Variants in TMEM248 observed in about 807,000 individuals in gnomAD.
The protein encoded by TMEM248 is transmembrane protein 248, also known as UPF0458 protein C7orf42.
Under a neutral mutation model 30.3 loss-of-function variants are expected in TMEM248, and 9 were observed. The observed-to-expected ratio is 0.30, with a 90% confidence interval of 0.18 to 0.52. The LOEUF is 0.52. Among genes scored for constraint, TMEM248 ranks in the 20% least tolerant of loss-of-function variants. The pLI is 0.97. For missense variants in TMEM248, 338 were observed against 403.3 expected (o/e 0.84, Z 1.39); for synonymous variants, 184 against 154.4 (o/e 1.19, Z -1.42).
chr7:66,928,007 G>C (rs1791568568), intron 1 of TMEM248, among the ~76,000 whole-genome samples: 1 of 152,110 alleles, frequency 6.6e-6, no homozygotes, highest in Admixed American at 6.6e-5. Context: ...CTGAGGTCAG[G>C]AATTCAAGAC....
At chr7:66,924,443 C>T (rs189042799) in intron 1 of TMEM248, among the ~76,000 whole-genome samples, 126 of 152,260 alleles carry the variant, frequency 8.3e-4, no homozygotes, top group African/African-American at 2.9e-3. Context: ...CTTGCTCTGT[C>T]GTCCAGGCTA....
At chr7:66,934,741 A>G (rs571717756) in intron 1 of TMEM248, among the ~76,000 whole-genome samples, 71 of 152,282 alleles carry the variant, frequency 4.7e-4, no homozygotes, top group African/African-American at 1.7e-3. Flanking sequence ...AGTGGGTCCT[A>G]TTCATTTTTA....
At chr7:66,955,460 C>G (rs1430352297) in intron 6 of TMEM248, 42 bp from the exon 7 acceptor site, 6 of 1,613,756 alleles carry the variant, frequency 3.7e-6, no homozygotes, top group Non-Finnish European at 5.1e-6. Flanking sequence ...GTTACCTAGG[C>G]TTCCCTTTTT....
At chr7:66,940,154 A>G (rs1265855114) in intron 1 of TMEM248, among the ~76,000 whole-genome samples, 1 of 152,080 alleles carries the variant, frequency 6.6e-6, no homozygotes, top group African/African-American at 2.4e-5. Flanking sequence ...GGGTTTTGCC[A>G]TGTTGGCCAG....
At position 66,958,512 on chromosome 7, in the gene TMEM248, A is replaced by T. The variant is rs1254282960; in HGVS notation, c.*2990A>T. ...CAGATTAATTTTCCGTGTTTGAAGT[A>T]TGTGCATATGTGCTTTACAGAATAA... On this transcript the variant is annotated 3_prime_UTR_variant, in exon 7 of 7. Transcript: ENST00000341567. 2 of 152,622 alleles carry T rather than the reference A, an allele frequency of 1.3e-5. No individual in the cohort carries two copies. The highest frequency in any genetic ancestry group is 2.9e-5 in the Non-Finnish European group (2 of 68,044). The allele number at this position is 152,622 out of a possible 1,614,324, so 9.5% of individuals were successfully genotyped here. A position where few individuals can be genotyped will look rare whatever the true frequency, so the allele number is the denominator to read the frequency against.
At chr7:66,939,223 C>A (rs962615078) in intron 1 of TMEM248, among the ~76,000 whole-genome samples, 1 of 152,198 alleles carries the variant, frequency 6.6e-6, no homozygotes, top group Non-Finnish European at 1.5e-5. Flanking sequence ...CTGACAATAT[C>A]AGGTTGAAGA....
intron 1 of TMEM248, among the ~76,000 whole-genome samples, chr7:66,940,270 A>G (rs572904660): frequency 6.6e-6 from 1 of 152,338 alleles, no homozygotes; most frequent in South Asian, 2.1e-4. Flanking sequence ...GTGCGTTTTA[A>G]GAAGAGCAAA....
At chr7:66,932,930 G>A (rs1417918712) in intron 1 of TMEM248, among the ~76,000 whole-genome samples, 1 of 151,886 alleles carries the variant, frequency 6.6e-6, no homozygotes, top group Non-Finnish European at 1.5e-5. Flanking sequence ...GTAGTGGCAC[G>A]ATCTTAGCTC....
intron 4 of TMEM248, among the ~76,000 whole-genome samples, chr7:66,949,304 T>C (rs1300131658): frequency 1.3e-5 from 2 of 152,030 alleles, no homozygotes; most frequent in African/African-American, 4.8e-5. Context: ...CTGGCCAACA[T>C]AGTGAAACCC....
At chr7:66,945,283 C>G (rs1427669352) in intron 3 of TMEM248, 22 bp downstream of exon 3, 1 of 1,605,950 alleles carries the variant, frequency 6.2e-7, no homozygotes, top group South Asian at 1.1e-5. Context: ...CCACTCTCCA[C>G]TCAGGCTCCT....
chr7:66,954,595 C>T (rs762309273), intron 6 of TMEM248, among the ~76,000 whole-genome samples: 8 of 152,054 alleles, frequency 5.3e-5, no homozygotes, highest in Non-Finnish European at 1.2e-4. Context: ...CAGGGTTTCG[C>T]CACATTGCCT....
intron 1 of TMEM248, among the ~76,000 whole-genome samples, chr7:66,929,768 T>C (rs1430993544): frequency 6.6e-6 from 1 of 152,006 alleles, no homozygotes. Context: ...AGGGAGGCAG[T>C]GTCAGTGGGG....
At chr7:66,950,671 TGA>T (rs1792239192) in intron 4 of TMEM248, among the ~76,000 whole-genome samples, 1 of 152,206 alleles carries the variant, frequency 6.6e-6, no homozygotes, top group Non-Finnish European at 1.5e-5. Flanking sequence ...GCATCACATG[TGA>T]GAGGACTGTA....
chr7:66,948,815 C>G, intron 4 of TMEM248, 121 bp downstream of exon 4: 1 of 1,083,718 alleles, frequency 9.2e-7, no homozygotes, highest in Non-Finnish European at 1.3e-6. Flanking sequence ...ATAGAATTAT[C>G]TCTACTCGGA....
At chr7:66,943,830 C>T (rs1326007206) in intron 2 of TMEM248, among the ~76,000 whole-genome samples, 1 of 150,818 alleles carries the variant, frequency 6.6e-6, no homozygotes, top group African/African-American at 2.4e-5. Context: ...GTCACTCTGA[C>T]ACCCAGGCTG....
rs1368879947 is a variant in TMEM248 at position 66,956,778 on chromosome 7, A to G, written c.*1256A>G. ...AGCCTCCAACTCCTGGGCTCAAGCA[A>G]TCCTCCCACTTTAGCCTCCTGAGTA... On this transcript the variant is annotated 3_prime_UTR_variant, in exon 7 of 7. Transcript: ENST00000341567. The G allele has an allele frequency of 1.3e-5, 2 of 152,096 alleles. No homozygotes were observed. Among genetic ancestry groups the G allele is most frequent in the East Asian group, 1.9e-4 (1 of 5,184 alleles). 9.4% of individuals were successfully genotyped at this position (152,096 alleles called of 1,614,324 possible). A position where few individuals can be genotyped will look rare whatever the true frequency, so the allele number is the denominator to read the frequency against.
chr7:66,954,000 G>A (rs960622508), intron 6 of TMEM248, among the ~76,000 whole-genome samples: 3 of 129,296 alleles, frequency 2.3e-5, no homozygotes, highest in Non-Finnish European at 4.6e-5. Flanking sequence ...CTGGAGTGCT[G>A]TGGCACGATC....
intron 1 of TMEM248, among the ~76,000 whole-genome samples, chr7:66,933,549 TTG>T: frequency 6.6e-6 from 1 of 152,354 alleles, no homozygotes. Flanking sequence ...TTTAACACTA[TTG>T]ATATGTATAG....
chr7:66,937,272 G>A (rs1791830776), intron 1 of TMEM248, among the ~76,000 whole-genome samples: 1 of 152,188 alleles, frequency 6.6e-6, no homozygotes, highest in Admixed American at 6.5e-5. Context: ...ATTGTGGTCA[G>A]AGAAGATACT....
Sources: allele counts gnomAD v4.1 joint callset (sites outside exome capture counted in the v4.1 genomes callset), GRCh38; gene constraint gnomAD v4.1.1; transcripts MANE v1.5; gene names NCBI Gene and HGNC (gene_info 2026-07-23, HGNC 2026-07-21).